CAVIN4: variants seen among roughly 807,000 people sequenced by gnomAD.
CAVIN4 encodes caveolae associated protein 4, also known as caveolae-associated protein 4.
Under a neutral mutation model 18.6 loss-of-function variants are expected in CAVIN4, and 10 were observed. That is an observed-to-expected ratio of 0.54 (90% CI 0.33 to 0.91). The LOEUF (loss-of-function observed/expected upper bound fraction) is 0.91, where lower values mean the gene tolerates loss of function less well. Ranked by LOEUF, CAVIN4 falls within the 40% of genes least tolerant of loss-of-function variation. The pLI, the probability that CAVIN4 is intolerant of heterozygous loss-of-function variation, is 0.02. For missense variants in CAVIN4, 459 were observed against 440.5 expected (o/e 1.04, Z -0.38); for synonymous variants, 173 against 164.8 (o/e 1.05, Z -0.38).
chr9:100,579,892 T>A (rs1223618152), intron 1 of CAVIN4, among the ~76,000 whole-genome samples: 1 of 152,168 alleles, frequency 6.6e-6, no homozygotes, highest in Non-Finnish European at 1.5e-5. Context: ...TGTTGACTGA[T>A]AAGGTTACAC....
At chr9:100,585,654 A>G (rs61360638) in intron 1 of CAVIN4, 111 bp from the exon 2 acceptor site, 24 of 817,412 alleles carry the variant, frequency 2.9e-5, no homozygotes, top group Non-Finnish European at 4.9e-5. Flanking sequence ...TTTAAGGAGC[A>G]GGCAGAGGAT....
At chr9:100,581,826 T>C (rs1047144072) in intron 1 of CAVIN4, among the ~76,000 whole-genome samples, 2 of 152,278 alleles carry the variant, frequency 1.3e-5, no homozygotes, top group Admixed American at 1.3e-4. Context: ...CCAACCCACA[T>C]TGTGTTGCTG....
chr9:100,583,200 C>T (rs1269839930), intron 1 of CAVIN4, among the ~76,000 whole-genome samples: 1 of 152,194 alleles, frequency 6.6e-6, no homozygotes, highest in Non-Finnish European at 1.5e-5. Flanking sequence ...CCAGACTCAT[C>T]TACTCAGCTG....
At chr9:100,582,105 C>T (rs948276117) in intron 1 of CAVIN4, among the ~76,000 whole-genome samples, 8 of 152,252 alleles carry the variant, frequency 5.3e-5, no homozygotes, top group African/African-American at 1.9e-4. Flanking sequence ...TAGATTTAAT[C>T]TGGATCTCAC....
chr9:100,578,542 A>C lies in CAVIN4; in HGVS notation c.399A>C (p.Val133=). ...EIMKKNKFRV[V]IFQEKFRCPT... Reference sequence around the variant, plus strand: ...TGAAGAAAAACAAATTCCGCGTGGTAATATTCCAGGTAAGCTTGCACTTGT... The same window carrying C: ...TGAAGAAAAACAAATTCCGCGTGGTCATATTCCAGGTAAGCTTGCACTTGT... The change falls in exon 1 of 2, where the codon GTA becomes GTC. Residue 133 remains valine, a synonymous_variant. Transcript: ENST00000307584. 1 of 1,613,094 alleles carries C rather than the reference A, an allele frequency of 6.2e-7. No individual in the cohort carries two copies. The highest frequency in any genetic ancestry group is 2.2e-5 in the East Asian group (1 of 44,888).
chr9:100,578,195 C>T lies in CAVIN4; in HGVS notation c.52C>T (p.Leu18=). 1 of 1,613,976 alleles carries T rather than the reference C, an allele frequency of 6.2e-7. No homozygotes were observed. The highest frequency in any genetic ancestry group is 8.5e-7 in the Non-Finnish European group (1 of 1,179,916). ...TGCTGATAAAATCCACCAGAATCGC[C>T]TGTCGAGTGTTACAGAAGATGAAGA... ...SNADKIHQNR[L]SSVTEDEDQD... Residue 18 remains leucine, a synonymous_variant, in exon 1 of 2, where the codon CTG becomes TTG. Transcript: ENST00000307584.
chr9:100,578,778 C>A (rs1057276930), intron 1 of CAVIN4, among the ~76,000 whole-genome samples: 1 of 152,186 alleles, frequency 6.6e-6, no homozygotes, highest in African/African-American at 2.4e-5. Flanking sequence ...GTAATATGAA[C>A]TGTGGCTCAT....
chr9:100,582,786 A>T (rs2118607872), intron 1 of CAVIN4, among the ~76,000 whole-genome samples: 1 of 152,178 alleles, frequency 6.6e-6, no homozygotes, highest in South Asian at 2.1e-4. Flanking sequence ...TGTAACACCC[A>T]TATTCAAAAA....
At chr9:100,585,689 G>T (rs1839467936) in intron 1 of CAVIN4, 76 bp from the exon 2 acceptor site, 1 of 1,116,226 alleles carries the variant, frequency 9.0e-7, no homozygotes, top group Non-Finnish European at 1.3e-6. Flanking sequence ...GATTTACAAG[G>T]CATGGCCAGA....
At chr9:100,577,317 A>G (rs1181967459), upstream of CAVIN4, 1 of 152,620 alleles carries the variant, frequency 6.6e-6, no homozygotes, top group African/African-American at 2.4e-5. Flanking sequence ...TTTAAAGAAA[A>G]TGTTTGTTTT....
At chr9:100,580,523 C>T (rs17742370) in intron 1 of CAVIN4, among the ~76,000 whole-genome samples, 11,368 of 152,262 alleles carry the variant, frequency 0.075, 501 homozygotes, top group South Asian at 0.14. Context: ...GACTAAGTGC[C>T]AATTAAGATT....
At position 100,586,205 on chromosome 9, in the gene CAVIN4, T is replaced by C. The variant is rs2118615577; in HGVS notation, c.849T>C (p.Ala283=). ...SLRKGKDRTV[A]EGEECAREMG... Reference sequence around the variant, plus strand: ...GGAAAGGTAAGGACCGAACAGTGGCTGAAGGTGAGGAATGTGCCAGGGAGA... The same window carrying C: ...GGAAAGGTAAGGACCGAACAGTGGCCGAAGGTGAGGAATGTGCCAGGGAGA... The change falls in exon 2 of 2, where the codon GCT becomes GCC. Residue 283 remains alanine (A), a synonymous_variant. Transcript: ENST00000307584. 3 of 1,557,890 alleles carry C rather than the reference T, an allele frequency of 1.9e-6. No individual in the cohort carries two copies. The highest frequency in any genetic ancestry group is 2.7e-5 in the African/African-American group (2 of 73,092).
chr9:100,582,027 A>G (rs1023457699), intron 1 of CAVIN4, among the ~76,000 whole-genome samples: 3 of 152,242 alleles, frequency 2.0e-5, no homozygotes, highest in Non-Finnish European at 4.4e-5. Context: ...CTTCTTGACT[A>G]TCAGGCTGAT....
At chr9:100,581,038 CCTG>C (rs1485139891) in intron 1 of CAVIN4, 1 of 152,180 alleles carries the variant, frequency 6.6e-6, no homozygotes, top group East Asian at 1.9e-4. Context: ...GTAAAAATTA[CCTG>C]CTATTTCTTA....
At chr9:100,583,148 C>G (rs1433825477) in intron 1 of CAVIN4, among the ~76,000 whole-genome samples, 1 of 152,116 alleles carries the variant, frequency 6.6e-6, no homozygotes, top group Non-Finnish European at 1.5e-5. Context: ...ACATCAATGA[C>G]TCCTAAATTT....
chr9:100,585,687 AG>A lies in CAVIN4; in HGVS notation c.409-76del. ...GATAAACAGCCCATGGAGATTTACAAGGCATGGCCAGAAGGTAAAAGAGCTG... is the reference window on the plus strand; with the variant it reads ...GATAAACAGCCCATGGAGATTTACAAGCATGGCCAGAAGGTAAAAGAGCTG... On this transcript the variant is annotated intron_variant, in intron 1 of 1. Transcript: ENST00000307584. The A allele has an allele frequency of 1.8e-6, 2 of 1,098,458 alleles. 1 individual carries two copies. Among genetic ancestry groups the A allele is most frequent in the South Asian group, 2.6e-5 (2 of 77,404 alleles). The allele number at this position is 1,098,458 out of a possible 1,614,324, so 68.0% of individuals were successfully genotyped here. A position where few individuals can be genotyped will look rare whatever the true frequency, so the allele number is the denominator to read the frequency against.
Position 100,586,608 on chromosome 9 carries a change from T to C in CAVIN4, c.*157T>C, listed in dbSNP as rs1408430376. ...AAGATAATATAAATATTATTATCAC[T>C]CTTTCTCATGGCAGCTGTGGATTTT... is the stretch of plus-strand genomic sequence containing the variant. On this transcript the variant is annotated 3_prime_UTR_variant, in exon 2 of 2. Coordinates refer to ENST00000307584, the MANE Select transcript of CAVIN4 (RefSeq NM_001018116.2). 3.9e-6 allele frequency: 2 copies of C among 514,596 alleles called. No individual in the cohort carries two copies. The highest frequency in any genetic ancestry group is 6.5e-6 in the Non-Finnish European group (2 of 308,094). 31.9% of individuals were successfully genotyped at this position (514,596 alleles called of 1,614,324 possible).
intron 1 of CAVIN4, among the ~76,000 whole-genome samples, chr9:100,584,088 G>A (rs1839453387): frequency 6.6e-6 from 1 of 151,984 alleles, no homozygotes; most frequent in African/African-American, 2.4e-5. Context: ...GTCACCACAC[G>A]GCCCTCCCCA....
intron 1 of CAVIN4, among the ~76,000 whole-genome samples, chr9:100,583,910 G>T (rs142615349): frequency 6.6e-6 from 1 of 152,212 alleles, no homozygotes; most frequent in African/African-American, 2.4e-5. Context: ...CTTCCAGAGT[G>T]TTGGGATTAC....
Sources: gnomAD v4.1 joint callset for allele counts (sites outside exome capture counted in the v4.1 genomes callset) on GRCh38, gnomAD v4.1.1 for gene constraint, MANE v1.5 for transcripts, NCBI Gene and HGNC (gene_info 2026-07-23, HGNC 2026-07-21) for gene names.